The following MEGF11 variants were observed in gnomAD, a reference collection of about 807,000 sequenced individuals.
The protein encoded by MEGF11 is multiple EGF like domains 11, also known as multiple epidermal growth factor-like domains protein 11.
In MEGF11, 126 loss-of-function variants were observed where a neutral mutation model predicts 146.6. The observed-to-expected ratio is 0.86, with a 90% CI of 0.74 to 1.00. The LOEUF is 1.00. Ranked by LOEUF, MEGF11 falls within the 50% of genes least tolerant of loss-of-function variation. The pLI, the probability that MEGF11 is intolerant of heterozygous loss-of-function variation, is 0.00. For synonymous variants in MEGF11, 532 were observed against 583.4 expected, an observed-to-expected ratio of 0.91 and a Z score of 1.27; for missense variants, 1,509 against 1,521.2, an observed-to-expected ratio of 0.99 and a Z score of 0.13.
intron 5 of MEGF11, among the ~76,000 whole-genome samples, chr15:65,999,246 T>C (rs1180843664): frequency 2.6e-5 from 4 of 151,772 alleles, no homozygotes; most frequent in Non-Finnish European, 5.9e-5. Context: ...CCCAGGCTGG[T>C]CTCAAACTCC....
intron 3 of MEGF11, 104 bp from the exon 4 acceptor site, chr15:66,119,290 A>G (rs2087897318): frequency 1.3e-6 from 1 of 766,458 alleles, no homozygotes; most frequent in South Asian, 1.7e-5. Context: ...TTCAATAATT[A>G]CTTTAAAATG....
At chr15:66,220,710 T>A (rs1567288896) in intron 1 of MEGF11, among the ~76,000 whole-genome samples, 1 of 152,018 alleles carries the variant, frequency 6.6e-6, no homozygotes, top group South Asian at 2.1e-4. Flanking sequence ...GCTAATTTTT[T>A]AATTTTTATA....
At chr15:66,187,812 G>T (rs1437180226) in intron 1 of MEGF11, among the ~76,000 whole-genome samples, 1 of 152,162 alleles carries the variant, frequency 6.6e-6, no homozygotes, top group Non-Finnish European at 1.5e-5. Flanking sequence ...CTGAGGATCC[G>T]CCAGCCGGCA....
chr15:65,928,494 A>C lies in MEGF11; in HGVS notation c.1606T>G (p.Cys536Gly). The C allele has an allele frequency of 6.2e-7, 1 of 1,606,900 alleles. No homozygotes were observed. Among genetic ancestry groups the C allele is most frequent in the Non-Finnish European group, 8.5e-7 (1 of 1,175,678 alleles). ...GTFGLNCSEH[C>G]DCSHADGCDP... Reference sequence around the variant, plus strand: ...CATCCATCAGCATGGCTGCAGTCACAGTGTTCACTGCAGTTCAGCCCAAAT... The same window carrying C: ...CATCCATCAGCATGGCTGCAGTCACCGTGTTCACTGCAGTTCAGCCCAAAT... The change falls in exon 13 of 26, where the codon TGT becomes GGT. Residue 536 changes from cysteine (C) to glycine (G), a missense_variant. Cys to Gly is a radical substitution (Grantham distance 159). Coordinates refer to ENST00000395614, the MANE Select transcript of MEGF11 (RefSeq NM_001385028.1).
chr15:66,105,351 G>A (rs1189472893), intron 4 of MEGF11, among the ~76,000 whole-genome samples: 1 of 152,122 alleles, frequency 6.6e-6, no homozygotes, highest in Non-Finnish European at 1.5e-5. Context: ...CTTCTGCAAG[G>A]CCGGGCCCTG....
chr15:66,046,481 G>A (rs1597026088), intron 5 of MEGF11, among the ~76,000 whole-genome samples: 1 of 152,316 alleles, frequency 6.6e-6, no homozygotes, highest in African/African-American at 2.4e-5. Flanking sequence ...CCGAAGGGAC[G>A]GCAGAGCTGG....
chr15:66,237,330 C>T (rs1278684573), intron 1 of MEGF11, among the ~76,000 whole-genome samples: 1 of 151,992 alleles, frequency 6.6e-6, no homozygotes, highest in Non-Finnish European at 1.5e-5. Flanking sequence ...CTCACTCCCC[C>T]CAACAAAAGA....
intron 1 of MEGF11, among the ~76,000 whole-genome samples, chr15:66,245,931 G>A (rs1597174014): frequency 6.6e-6 from 1 of 152,002 alleles, no homozygotes; most frequent in South Asian, 2.1e-4. Context: ...GATTTCTCAT[G>A]TCAGAAGGGA....
chr15:65,916,420 G>C, intron 17 of MEGF11, 144 bp from the exon 18 acceptor site: 1 of 1,106,842 alleles, frequency 9.0e-7, no homozygotes, highest in South Asian at 1.6e-5. Flanking sequence ...TTGTCTCCCT[G>C]CTCAGGATCT....
At chr15:66,217,570 C>T (rs559941609) in intron 1 of MEGF11, among the ~76,000 whole-genome samples, 1 of 152,346 alleles carries the variant, frequency 6.6e-6, no homozygotes, top group East Asian at 1.9e-4. Context: ...TATGTGTTCA[C>T]ATCTTCCAGG....
intron 1 of MEGF11, among the ~76,000 whole-genome samples, chr15:66,170,201 G>A (rs1555478548): frequency 6.6e-6 from 1 of 152,204 alleles, no homozygotes; most frequent in Non-Finnish European, 1.5e-5. Context: ...GAGAGATGGG[G>A]CAGATGGAGA....
chr15:66,175,835 C>T (rs1284224990), intron 1 of MEGF11, among the ~76,000 whole-genome samples: 3 of 152,042 alleles, frequency 2.0e-5, no homozygotes, highest in Non-Finnish European at 4.4e-5. Context: ...CTATATCAAA[C>T]TAAAAAGTTC....
intron 1 of MEGF11, among the ~76,000 whole-genome samples, chr15:66,202,539 G>A (rs535353896): frequency 6.6e-6 from 1 of 152,156 alleles, no homozygotes; most frequent in Non-Finnish European, 1.5e-5. Flanking sequence ...GTGACCCCTA[G>A]GGGTGGCCCT....
chr15:65,960,209 A>C (rs959604829), intron 9 of MEGF11, among the ~76,000 whole-genome samples: 1 of 152,256 alleles, frequency 6.6e-6, no homozygotes, highest in African/African-American at 2.4e-5. Flanking sequence ...GGATTGAGAA[A>C]CTGAGTGATG....
intron 5 of MEGF11, among the ~76,000 whole-genome samples, chr15:66,050,025 C>T (rs937559901): frequency 6.6e-6 from 1 of 152,210 alleles, no homozygotes; most frequent in African/African-American, 2.4e-5. Context: ...CAAATCTAGT[C>T]TCTGCTCTCA....
chr15:66,141,285 T>TGAGAGAGAGA (rs1194937112), intron 1 of MEGF11, among the ~76,000 whole-genome samples: 2 of 86,774 alleles, frequency 2.3e-5, no homozygotes, highest in South Asian at 4.4e-4. Flanking sequence ...TGTGTGTGTG[T>TGAGAGAGAGA]GTGTGAGAGA....
intron 8 of MEGF11, 27 bp from the exon 9 acceptor site, chr15:65,965,147 G>A: frequency 6.5e-7 from 1 of 1,536,616 alleles, no homozygotes; most frequent in Non-Finnish European, 8.8e-7. Context: ...TGGGGCTGAG[G>A]CTGTGGGCCA....
At chr15:66,085,997 CA>C (rs1437278835) in intron 5 of MEGF11, among the ~76,000 whole-genome samples, 1 of 152,074 alleles carries the variant, frequency 6.6e-6, no homozygotes, top group Non-Finnish European at 1.5e-5. Flanking sequence ...AAACTTTGAG[CA>C]CACTTTTAGA....
At position 66,083,353 on chromosome 15, in the gene MEGF11, T is replaced by C. The variant is rs73483461; in HGVS notation, c.394+11049A>G. ...TCAGGTAACTAATGTGCCATTTACA[T>C]GGTAAAAACTTTAAACTTTGTAGCT... On this transcript the variant is annotated intron_variant, in intron 5 of 25. Coordinates refer to ENST00000395614, the MANE Select transcript of MEGF11 (RefSeq NM_001385028.1). Among the ~76,000 whole-genome samples the C allele has an allele frequency of 5.8e-3, 881 of 152,342 alleles. 10 individuals carry two copies. The highest frequency in any genetic ancestry group is 0.02 in the African/African-American group (822 of 41,576).
Sources: allele counts gnomAD v4.1 joint callset (sites outside exome capture counted in the v4.1 genomes callset), GRCh38; gene constraint gnomAD v4.1.1; transcripts MANE v1.5; gene names NCBI Gene and HGNC (gene_info 2026-07-23, HGNC 2026-07-21).